The following GPC3 variants were observed in gnomAD, a reference collection of about 807,000 sequenced individuals.
GPC3 encodes the protein glypican 3.
Under a neutral mutation model 34.4 loss-of-function variants are expected in GPC3, and 3 were observed. The observed-to-expected ratio is 0.09, with a 90% CI of 0.04 to 0.23. The LOEUF (loss-of-function observed/expected upper bound fraction) is 0.23. Among genes scored for constraint, GPC3 ranks in the 10% least tolerant of loss-of-function variants. The probability of loss-of-function intolerance (pLI) is 1.00; values close to 1 mark genes in which losing one functional copy is unlikely to be tolerated. For missense variants in GPC3, 351 were observed against 445.6 expected, an observed-to-expected ratio of 0.79 and a Z score of 1.91; for synonymous variants, 177 against 174.0, an observed-to-expected ratio of 1.02 and a Z score of -0.13.
At chrX:133,904,963 A>G (rs925696107) in intron 2 of GPC3, among the ~76,000 whole-genome samples, 1 of 112,349 alleles carries the variant, frequency 8.9e-6, no homozygotes, top group Non-Finnish European at 1.9e-5. Flanking sequence ...GGCCATTTGT[A>G]CATGACCTTA....
At chrX:133,854,414 C>T (rs1387188098) in intron 2 of GPC3, among the ~76,000 whole-genome samples, 1 of 111,849 alleles carries the variant, frequency 8.9e-6, no homozygotes, top group East Asian at 2.8e-4. Flanking sequence ...AAAGCTTACA[C>T]TGTGTTAGGC....
rs2071153064 is a variant in GPC3, at chrX:133,700,010, G to A, written c.1051C>T (p.His351Tyr). The change falls in exon 4 of 8, where the codon CAT (histidine) becomes TAT (tyrosine). Residue 351 changes from histidine to tyrosine, a missense_variant. Coordinates refer to ENST00000370818, the MANE Select transcript of GPC3 (RefSeq NM_004484.4). The stretch of plus-strand genomic sequence containing the variant: ...GATCTATATTGGCGTTGTTGAGAAT[G>A]GGCACATAACTTGCCAATCTGAAAA... The part of the protein sequence containing the change: ...LTTTIGKLCA[H>Y]SQQRQYRSAY... 1 of 1,192,718 alleles carries A rather than the reference G, an allele frequency of 8.4e-7. No individual in the cohort carries two copies. Among genetic ancestry groups the A allele is most frequent in the Non-Finnish European group, 1.1e-6 (1 of 878,922 alleles).
intron 2 of GPC3, among the ~76,000 whole-genome samples, chrX:133,886,823 AC>A (rs1278003063): frequency 8.9e-6 from 1 of 112,669 alleles, no homozygotes; most frequent in Non-Finnish European, 1.9e-5. Flanking sequence ...TATATGTACC[AC>A]ATTTTCTTAA....
At chrX:133,609,551 G>A (rs1041009786) in intron 6 of GPC3, among the ~76,000 whole-genome samples, 7 of 112,294 alleles carry the variant, frequency 6.2e-5, no homozygotes, top group Non-Finnish European at 9.4e-5. Context: ...TTAGCCATTC[G>A]CAATTTGAAT....
At chrX:133,843,650 AT>A (rs1255378580) in intron 2 of GPC3, among the ~76,000 whole-genome samples, 3 of 111,590 alleles carry the variant, frequency 2.7e-5, no homozygotes, top group African/African-American at 9.8e-5. Flanking sequence ...CCATTCCCAA[AT>A]TCATAACCCA....
chrX:133,733,920 G>A (rs1407533966), intron 3 of GPC3, among the ~76,000 whole-genome samples: 1 of 111,576 alleles, frequency 9.0e-6, no homozygotes, highest in African/African-American at 3.2e-5. Context: ...ACAAAAAAAA[G>A]CATAGGATCA....
intron 7 of GPC3, among the ~76,000 whole-genome samples, chrX:133,552,658 A>C (rs2069446258): frequency 8.9e-6 from 1 of 112,229 alleles, no homozygotes; most frequent in African/African-American, 3.2e-5. Flanking sequence ...AATTGTTTAC[A>C]TTGAATTTTT....
intron 1 of GPC3, among the ~76,000 whole-genome samples, chrX:133,970,171 C>T (rs765864036): frequency 4.4e-4 from 49 of 111,642 alleles, no homozygotes; most frequent in Non-Finnish European, 6.6e-4. Flanking sequence ...AGACAGAAAT[C>T]CTTCTTGCTC....
intron 2 of GPC3, among the ~76,000 whole-genome samples, chrX:133,940,947 A>G (rs2076342954): frequency 8.9e-6 from 1 of 112,589 alleles, no homozygotes; most frequent in East Asian, 2.8e-4. Context: ...AGGTTTTCCT[A>G]ATAAACAACT....
intron 7 of GPC3, among the ~76,000 whole-genome samples, chrX:133,591,981 T>C (rs192786144): frequency 1.6e-4 from 18 of 111,312 alleles, no homozygotes; most frequent in African/African-American, 5.5e-4. Context: ...GATCTTTTTA[T>C]AGTTGTGTTG....
intron 3 of GPC3, among the ~76,000 whole-genome samples, chrX:133,704,911 A>T (rs1490117172): frequency 4.5e-5 from 5 of 111,514 alleles, no homozygotes; most frequent in Admixed American, 2.9e-4. Flanking sequence ...ACATGTCAAG[A>T]AATGCGGCTA....
intron 1 of GPC3, among the ~76,000 whole-genome samples, chrX:133,973,489 C>T (rs1363653875): frequency 8.9e-6 from 1 of 112,315 alleles, no homozygotes; most frequent in Non-Finnish European, 1.9e-5. Context: ...ACTATTCCAC[C>T]AACCTGAAAG....
intron 3 of GPC3, among the ~76,000 whole-genome samples, chrX:133,748,089 A>G (rs1053624826): frequency 8.9e-6 from 1 of 112,409 alleles, no homozygotes; most frequent in Admixed American, 9.4e-5. Context: ...AAGTTTTGGG[A>G]AAGTTTCCAG....
intron 6 of GPC3, among the ~76,000 whole-genome samples, chrX:133,654,209 C>T (rs942089335): frequency 4.5e-5 from 5 of 110,780 alleles, no homozygotes; most frequent in African/African-American, 1.6e-4. Flanking sequence ...GTGTTAGGTG[C>T]CATGGGATAC....
chrX:133,910,157 C>G (rs2076190912), intron 2 of GPC3, among the ~76,000 whole-genome samples: 1 of 110,653 alleles, frequency 9.0e-6, no homozygotes, highest in Admixed American at 9.7e-5. Context: ...ACCCCTACTC[C>G]CACCTTATCC....
chrX:133,867,384 G>C (rs896444207), intron 2 of GPC3, among the ~76,000 whole-genome samples: 7 of 110,472 alleles, frequency 6.3e-5, no homozygotes, highest in Non-Finnish European at 1.3e-4. Flanking sequence ...ACAATTTTCA[G>C]AGCAAAGAGA....
intron 2 of GPC3, among the ~76,000 whole-genome samples, chrX:133,949,462 C>G (rs896908111): frequency 9.0e-6 from 1 of 111,682 alleles, no homozygotes; most frequent in Admixed American, 9.5e-5. Flanking sequence ...GTAGTAGGCT[C>G]TAAGCAAGGA....
chrX:133,621,741 C>T (rs1036178272), intron 6 of GPC3, among the ~76,000 whole-genome samples: 1 of 112,426 alleles, frequency 8.9e-6, no homozygotes, highest in African/African-American at 3.2e-5. Context: ...CATAGCTGAA[C>T]AAAAGGCAGC....
chrX:133,679,148 T>A (rs1351713576), intron 5 of GPC3, among the ~76,000 whole-genome samples: 8 of 111,359 alleles, frequency 7.2e-5, no homozygotes, highest in African/African-American at 2.3e-4. Context: ...TTGCTTAAAA[T>A]TTTTTTTAAG....
Sources: allele counts gnomAD v4.1 joint callset (sites outside exome capture counted in the v4.1 genomes callset), GRCh38; gene constraint gnomAD v4.1.1; transcripts MANE v1.5; gene names NCBI Gene and HGNC (gene_info 2026-07-23, HGNC 2026-07-21).